The following SPAST variants were observed in gnomAD, a reference collection of about 807,000 sequenced individuals.
SPAST encodes the protein spastic paraplegia 4 (autosomal dominant; spastin).
SPAST carries 30 observed loss-of-function variants against 76.6 expected under a neutral mutation model. The ratio of observed to expected loss-of-function variants is 0.39; its 90% confidence interval spans 0.29 to 0.53. SPAST has a LOEUF of 0.53. Among genes scored for constraint, SPAST ranks in the 20% least tolerant of loss-of-function variants. The pLI, the probability that SPAST is intolerant of heterozygous loss-of-function variation, is 0.68. For synonymous variants in SPAST, 305 were observed against 281.0 expected (o/e 1.09, Z -0.86); for missense variants, 717 against 770.5 (o/e 0.93, Z 0.82).
chr2:32,065,417 C>T (rs1331806893), intron 1 of SPAST, among the ~76,000 whole-genome samples: 1 of 152,080 alleles, frequency 6.6e-6, no homozygotes, highest in Non-Finnish European at 1.5e-5. Flanking sequence ...CATCCCAGAC[C>T]ATGAAAAGTG....
intron 4 of SPAST, among the ~76,000 whole-genome samples, chr2:32,107,281 G>C (rs1678360614): frequency 6.6e-6 from 1 of 151,820 alleles, no homozygotes; most frequent in South Asian, 2.1e-4. Flanking sequence ...CACTCAGGCT[G>C]GAGTGCGGTG....
At chr2:32,083,091 C>T (rs1372590453) in intron 1 of SPAST, among the ~76,000 whole-genome samples, 1 of 152,016 alleles carries the variant, frequency 6.6e-6, no homozygotes, top group Non-Finnish European at 1.5e-5. Context: ...CCTGCCTCAG[C>T]CTCCCAAGTA....
In SPAST at chr2:32,133,271, A is replaced by T. The variant is rs543471844; in HGVS notation, c.1246-3292A>T. Among the ~76,000 whole-genome samples, 3 of 152,360 alleles carry T rather than the reference A, an allele frequency of 2.0e-5. No individual in the cohort carries two copies. The East Asian group carries it at 5.8e-4, about 29-fold the overall frequency. On this transcript the variant is annotated intron_variant, in intron 9 of 16. Coordinates refer to ENST00000315285, the MANE Select transcript of SPAST (RefSeq NM_014946.4). ...ATAACTAACATGTAGAAAAGTATTT[A>T]TAGCATAAGTATACAGCTGTATACA...
At chr2:32,145,388 T>C (rs1056757276) in intron 15 of SPAST, among the ~76,000 whole-genome samples, 7 of 152,188 alleles carry the variant, frequency 4.6e-5, no homozygotes, top group African/African-American at 7.2e-5. Flanking sequence ...TGAGCCACCA[T>C]GCCCAGCCTT....
At chr2:32,152,456 G>C (rs989967104) in intron 16 of SPAST, among the ~76,000 whole-genome samples, 1 of 151,952 alleles carries the variant, frequency 6.6e-6, no homozygotes, top group African/African-American at 2.4e-5. Flanking sequence ...TATAGTCCTA[G>C]CTACTTGGGA....
At chr2:32,116,316 C>A (rs1454781173) in intron 7 of SPAST, 104 bp downstream of exon 7, 4 of 748,162 alleles carry the variant, frequency 5.3e-6, no homozygotes, top group Admixed American at 2.1e-5. Flanking sequence ...ATAATTAATT[C>A]ATATAAGGTA....
rs1375804665 is a variant in SPAST, at chr2:32,116,131, T to C, written c.1017T>C (p.Val339=). 6.2e-7 allele frequency: 1 copy of C among 1,612,866 alleles called. No individual in the cohort carries two copies. The highest frequency in any genetic ancestry group is 2.2e-5 in the East Asian group (1 of 44,752). Residue 339 remains valine (V), a synonymous_variant, in exon 7 of 17, where the codon GTT becomes GTC. Coordinates refer to ENST00000315285, the MANE Select transcript of SPAST (RefSeq NM_014946.4). ...MNEIVDNGTA[V]KFDDIAGQDL... ...TCTTGTTTCTTAGTGGAACAGCTGT[T>C]AAATTTGATGATATAGCTGGTCAAG...
intron 7 of SPAST, among the ~76,000 whole-genome samples, chr2:32,122,478 C>T (rs1354894134): frequency 2.0e-5 from 3 of 152,092 alleles, no homozygotes; most frequent in African/African-American, 7.2e-5. Context: ...TGCACCACCA[C>T]GCCTGGCTAA....
At chr2:32,089,877 C>G (rs1439270532) in intron 3 of SPAST, among the ~76,000 whole-genome samples, 1 of 152,052 alleles carries the variant, frequency 6.6e-6, no homozygotes, top group African/African-American at 2.4e-5. Context: ...CATTCTCCTG[C>G]CTCAGCCTCC....
At chr2:32,136,341 A>T (rs907496139) in intron 9 of SPAST, among the ~76,000 whole-genome samples, 1 of 152,192 alleles carries the variant, frequency 6.6e-6, no homozygotes, top group African/African-American at 2.4e-5. Context: ...GAAGCAAAAC[A>T]GATGAATTTT....
At chr2:32,077,420 A>G (rs1677009505) in intron 1 of SPAST, among the ~76,000 whole-genome samples, 1 of 152,234 alleles carries the variant, frequency 6.6e-6, no homozygotes, top group African/African-American at 2.4e-5. Flanking sequence ...TTTACTAAGT[A>G]TAATAAAGAT....
chr2:32,123,989 A>G (rs1004683603), intron 7 of SPAST, among the ~76,000 whole-genome samples: 1 of 142,980 alleles, frequency 7.0e-6, no homozygotes, highest in African/African-American at 2.6e-5. Context: ...GTACAATACC[A>G]AAACATGATC....
chr2:32,063,664 G>A lies in SPAST; in HGVS notation c.-168G>A, dbSNP rs886055959. On this transcript the variant is annotated 5_prime_UTR_variant, in exon 1 of 17. Coordinates refer to ENST00000315285, the MANE Select transcript of SPAST (RefSeq NM_014946.4). Reference sequence around the variant, plus strand: ...AGGGGTTGTGCTCCTGGCCGAGGAAGGAGAAAGGGGCGGGGCCGGCGGGCA... The same window carrying A: ...AGGGGTTGTGCTCCTGGCCGAGGAAAGAGAAAGGGGCGGGGCCGGCGGGCA... 4.4e-5 allele frequency: 37 copies of A among 843,484 alleles called. No homozygotes were observed. Among genetic ancestry groups the A allele is most frequent in the Non-Finnish European group, 6.0e-5 (34 of 563,112 alleles). The allele number at this position is 843,484 out of a possible 1,614,324, so 52.2% of individuals were successfully genotyped here. A position where few individuals can be genotyped will look rare whatever the true frequency, so the allele number is the denominator to read the frequency against.
intron 4 of SPAST, among the ~76,000 whole-genome samples, chr2:32,112,779 T>C (rs1678666222): frequency 6.6e-6 from 1 of 152,222 alleles, no homozygotes; most frequent in African/African-American, 2.4e-5. Flanking sequence ...TTAGAGTCTT[T>C]AGTTTTCTTA....
At chr2:32,125,458 G>A (rs1165655598) in intron 7 of SPAST, among the ~76,000 whole-genome samples, 1 of 151,938 alleles carries the variant, frequency 6.6e-6, no homozygotes, top group African/African-American at 2.4e-5. Flanking sequence ...CCTGATCTCA[G>A]GGGATCTGCC....
intron 1 of SPAST, among the ~76,000 whole-genome samples, chr2:32,078,967 A>G (rs1677088058): frequency 6.6e-6 from 1 of 152,036 alleles, no homozygotes; most frequent in African/African-American, 2.4e-5. Flanking sequence ...CCCCTCAAGT[A>G]GCTGGGACTA....
At chr2:32,087,073 G>T (rs1451689388) in intron 1 of SPAST, among the ~76,000 whole-genome samples, 2 of 152,152 alleles carry the variant, frequency 1.3e-5, no homozygotes. Flanking sequence ...ACTTCCTCTA[G>T]AGAGGAGGTA....
chr2:32,072,112 G>A (rs1377786693), intron 1 of SPAST, among the ~76,000 whole-genome samples: 3 of 151,990 alleles, frequency 2.0e-5, no homozygotes, highest in South Asian at 2.1e-4. Flanking sequence ...GCATGATCTC[G>A]GCTCACTGCA....
intron 3 of SPAST, among the ~76,000 whole-genome samples, chr2:32,097,678 G>A (rs1393193149): frequency 6.8e-6 from 1 of 147,694 alleles, no homozygotes; most frequent in East Asian, 2.0e-4. Context: ...TCCCTGAAAT[G>A]TCCTTTTTTT....
Sources: allele counts gnomAD v4.1 joint callset (sites outside exome capture counted in the v4.1 genomes callset), GRCh38; gene constraint gnomAD v4.1.1; transcripts MANE v1.5; gene names NCBI Gene and HGNC (gene_info 2026-07-23, HGNC 2026-07-21).